The following NTM variants were observed in gnomAD, a reference collection of about 807,000 sequenced individuals.
NTM encodes the protein neurotrimin.
In NTM, 13 loss-of-function variants were observed where a neutral mutation model predicts 42.1. That is an observed-to-expected ratio of 0.31 (90% CI 0.20 to 0.49). The LOEUF (loss-of-function observed/expected upper bound fraction) is 0.49, where lower values mean the gene tolerates loss of function less well. Ranked by LOEUF, NTM falls within the 20% of genes least tolerant of loss-of-function variation. The pLI is 0.99. For missense variants in NTM, 373 were observed against 452.8 expected (o/e 0.82, Z 1.60); for synonymous variants, 187 against 179.2 (o/e 1.04, Z -0.35).
chr11:132,123,605 T>C (rs2065189162), intron 2 of NTM, among the ~76,000 whole-genome samples: 1 of 152,134 alleles, frequency 6.6e-6, no homozygotes, highest in Non-Finnish European at 1.5e-5. Flanking sequence ...CTGCCACTGG[T>C]CCTTCCCATA....
rs77966858 is a variant in NTM at position 132,096,499 on chromosome 11, G to T, written c.168-49783G>T. Among the ~76,000 whole-genome samples the T allele has an allele frequency of 8.2e-3, 1,244 of 152,260 alleles. 19 individuals are homozygous for T. Among genetic ancestry groups the T allele is most frequent in the African/African-American group, 0.027 (1,136 of 41,556 alleles). The stretch of plus-strand genomic sequence containing the variant: ...ACCCCAAGATTGAATGACTCACTTA[G>T]TATTTAATGAGGGAGCCATGGAGTA... On this transcript the variant is annotated intron_variant, in intron 2 of 8. Transcript: ENST00000683400.
At chr11:131,788,443 T>C (rs2136076822) in intron 1 of NTM, among the ~76,000 whole-genome samples, 1 of 152,288 alleles carries the variant, frequency 6.6e-6, no homozygotes, top group African/African-American at 2.4e-5. Flanking sequence ...GTATTTTTAT[T>C]TGTAATTTTA....
intron 1 of NTM, among the ~76,000 whole-genome samples, chr11:131,475,123 T>A (rs1316198797): frequency 6.6e-6 from 1 of 152,162 alleles, no homozygotes; most frequent in African/African-American, 2.4e-5. Context: ...GACTACATCA[T>A]CTCTGTAGTC....
At chr11:132,225,485 G>A (rs2086031431) in intron 4 of NTM, among the ~76,000 whole-genome samples, 1 of 152,174 alleles carries the variant, frequency 6.6e-6, no homozygotes, top group African/African-American at 2.4e-5. Context: ...CAAATCCAAG[G>A]CCATGAGTGG....
intron 1 of NTM, among the ~76,000 whole-genome samples, chr11:131,520,781 T>A (rs1407445769): frequency 6.6e-6 from 1 of 152,158 alleles, no homozygotes; most frequent in African/African-American, 2.4e-5. Flanking sequence ...AAAACCTACC[T>A]ACTCAGCATT....
At chr11:131,403,270 A>G (rs933025978) in intron 1 of NTM, among the ~76,000 whole-genome samples, 2 of 152,160 alleles carry the variant, frequency 1.3e-5, no homozygotes, top group Non-Finnish European at 2.9e-5. Flanking sequence ...TGTGTCCCAA[A>G]TGTTACAGCA....
chr11:131,910,773 G>A, intron 1 of NTM: 1 of 950,346 alleles, frequency 1.1e-6, no homozygotes, highest in Non-Finnish European at 1.3e-6. Flanking sequence ...CTCCCTCCTC[G>A]GCCACCGCCG....
At chr11:131,628,981 C>G (rs1276688700) in intron 1 of NTM, among the ~76,000 whole-genome samples, 1 of 152,200 alleles carries the variant, frequency 6.6e-6, no homozygotes, top group Non-Finnish European at 1.5e-5. Flanking sequence ...TTTGGGGCAT[C>G]TGTGCATGGT....
In NTM at chr11:132,069,706, A is replaced by G. The variant is rs113473794; in HGVS notation, c.168-76576A>G. On this transcript the variant is annotated intron_variant, in intron 2 of 8. Transcript: ENST00000683400. ...AGGTTAGTTAACACGTCACACAGCC[A>G]GGTTAACACGTCACACTGACCATCA... Among the ~76,000 whole-genome samples, 305 of 149,870 alleles carry G rather than the reference A, an allele frequency of 2.0e-3. 5 individuals carry two copies. The highest frequency in any genetic ancestry group is 7.0e-3 in the African/African-American group (281 of 40,348).
chr11:132,003,137 C>T lies in NTM; in HGVS notation c.167+91489C>T, dbSNP rs114943197. Among the ~76,000 whole-genome samples the T allele has an allele frequency of 0.015, 2,338 of 152,242 alleles. 44 individuals are homozygous for T. Among genetic ancestry groups the T allele is most frequent in the African/African-American group, 0.054 (2,229 of 41,494 alleles). On this transcript the variant is annotated intron_variant, in intron 2 of 8. Coordinates refer to ENST00000683400, the MANE Select transcript of NTM (RefSeq NM_001352005.2). This position sits in a 1 kb window ranked among gnomAD's most constrained non-coding sequence, Gnocchi z 6.0. Reference sequence around the variant, plus strand: ...AATTCTGCTTATATTTCCTCCTTCACCCTAATGCTAGCCCGGTTCTGAGCC... The same window carrying T: ...AATTCTGCTTATATTTCCTCCTTCATCCTAATGCTAGCCCGGTTCTGAGCC...
At chr11:131,633,786 T>TCA (rs1179150542) in intron 1 of NTM, among the ~76,000 whole-genome samples, 46 of 94,948 alleles carry the variant, frequency 4.8e-4, no homozygotes, top group East Asian at 1.2e-3. Context: ...TCTCTCTCTC[T>TCA]CTCACACACA....
At chr11:131,987,234 C>A (rs540514902) in intron 2 of NTM, among the ~76,000 whole-genome samples, 2 of 152,170 alleles carry the variant, frequency 1.3e-5, no homozygotes, top group African/African-American at 2.4e-5. Context: ...CAATTATTTG[C>A]AAAGTTGTTC....
chr11:132,025,262 G>T (rs1010621635), intron 2 of NTM, among the ~76,000 whole-genome samples: 3 of 152,224 alleles, frequency 2.0e-5, no homozygotes, highest in African/African-American at 7.2e-5. Flanking sequence ...TGGAGAAAGA[G>T]GTCTGCCATC....
At chr11:131,689,048 C>G (rs981322345) in intron 1 of NTM, among the ~76,000 whole-genome samples, 3 of 150,840 alleles carry the variant, frequency 2.0e-5, no homozygotes, top group African/African-American at 7.5e-5. Flanking sequence ...TCAGTGAAAA[C>G]GAGAGCTACC....
intron 3 of NTM, among the ~76,000 whole-genome samples, chr11:132,186,799 C>G (rs2078466001): frequency 6.6e-6 from 1 of 152,174 alleles, no homozygotes; most frequent in African/African-American, 2.4e-5. Flanking sequence ...CCCTCAAATG[C>G]ACCAGGGATA....
chr11:131,660,281 G>T (rs547207807), intron 1 of NTM: 8 of 354,236 alleles, frequency 2.3e-5, no homozygotes, highest in African/African-American at 1.7e-4. Flanking sequence ...CAATAATGAG[G>T]TTTTCTGTAG....
intron 2 of NTM, among the ~76,000 whole-genome samples, chr11:131,998,785 T>C (rs1347810541): frequency 6.6e-6 from 1 of 152,106 alleles, no homozygotes; most frequent in Non-Finnish European, 1.5e-5. Context: ...AGTGGGCCAG[T>C]GCAGGGCAAG....
chr11:132,287,470 A>G (rs1334934228), intron 4 of NTM, among the ~76,000 whole-genome samples: 1 of 152,142 alleles, frequency 6.6e-6, no homozygotes, highest in Non-Finnish European at 1.5e-5. Context: ...AGAGGACCCT[A>G]GAGCTGCATA....
chr11:131,602,744 A>G (rs2060600507), intron 1 of NTM, among the ~76,000 whole-genome samples: 1 of 152,136 alleles, frequency 6.6e-6, no homozygotes, highest in Non-Finnish European at 1.5e-5. Flanking sequence ...CATTCTCCAA[A>G]TTGAGCTCCC....
Sources: gnomAD v4.1 joint callset for allele counts (sites outside exome capture counted in the v4.1 genomes callset) on GRCh38, gnomAD v4.1.1 for gene constraint, Gnocchi (gnomAD v3.1) non-coding constraint, MANE v1.5 for transcripts, NCBI Gene and HGNC (gene_info 2026-07-23, HGNC 2026-07-21) for gene names.